The following CNTN6 variants were observed in gnomAD, a reference collection of about 807,000 sequenced individuals.
The protein encoded by CNTN6 is contactin-6.
CNTN6 carries 137 observed loss-of-function variants against 122.8 expected under a neutral mutation model. The observed-to-expected ratio is 1.12, with a 90% CI of 0.97 to 1.29. CNTN6 has a LOEUF of 1.29. CNTN6 is among the 50% of genes most tolerant of loss of function. The probability of loss-of-function intolerance (pLI) is 0.00; values close to 1 mark genes in which losing one functional copy is unlikely to be tolerated. For synonymous variants in CNTN6, 570 were observed against 426.0 expected (o/e 1.34, Z -4.16); for missense variants, 1,634 against 1,223.4 (o/e 1.34, Z -5.01).
At chr3:1,116,879 AT>A (rs1189383522) in intron 1 of CNTN6, among the ~76,000 whole-genome samples, 1 of 151,796 alleles carries the variant, frequency 6.6e-6, no homozygotes, top group Non-Finnish European at 1.5e-5. Flanking sequence ...TAATTTTTGT[AT>A]TTTTAGTAGA....
At chr3:1,209,832 T>G (rs1486352580) in intron 2 of CNTN6, among the ~76,000 whole-genome samples, 1 of 152,194 alleles carries the variant, frequency 6.6e-6, no homozygotes, top group Non-Finnish European at 1.5e-5. Context: ...TCCTCTATTT[T>G]GAAAAACAAC....
At chr3:1,287,487 GTCCTCATATATT>G in intron 5 of CNTN6, among the ~76,000 whole-genome samples, 1 of 152,248 alleles carries the variant, frequency 6.6e-6, no homozygotes, top group South Asian at 2.1e-4. Context: ...GAGAAGTCTA[GTCCTCATATATT>G]TGTATCCTAT....
At chr3:1,266,729 C>T (rs528803879) in intron 4 of CNTN6, among the ~76,000 whole-genome samples, 1 of 152,146 alleles carries the variant, frequency 6.6e-6, no homozygotes, top group Non-Finnish European at 1.5e-5. Context: ...GGCCTCACTC[C>T]ATTGAAATCA....
intron 2 of CNTN6, among the ~76,000 whole-genome samples, chr3:1,164,489 T>G (rs73818458): frequency 0.15 from 22,782 of 151,380 alleles, 2,235 homozygotes; most frequent in East Asian, 0.42. Flanking sequence ...TGATTGAACC[T>G]TAACTAGTAT....
intron 4 of CNTN6, among the ~76,000 whole-genome samples, chr3:1,276,235 G>C (rs77820559): frequency 0.031 from 4,745 of 152,128 alleles, 112 homozygotes; most frequent in South Asian, 0.065. Context: ...AATCTAACAG[G>C]ATGCTTATAT....
chr3:1,280,910 T>C (rs1025699483), intron 5 of CNTN6, among the ~76,000 whole-genome samples: 3 of 152,190 alleles, frequency 2.0e-5, no homozygotes, highest in Non-Finnish European at 2.9e-5. Flanking sequence ...GCTGCTGAAT[T>C]TCTTGCCATG....
chr3:1,219,692 T>C (rs1157690995), intron 2 of CNTN6, among the ~76,000 whole-genome samples: 1 of 152,150 alleles, frequency 6.6e-6, no homozygotes, highest in Non-Finnish European at 1.5e-5. Context: ...GACTGTGGAA[T>C]TGTTGCAGAT....
At chr3:1,396,122 A>T (rs1356110184) in intron 20 of CNTN6, among the ~76,000 whole-genome samples, 1 of 152,194 alleles carries the variant, frequency 6.6e-6, no homozygotes, top group East Asian at 1.9e-4. Context: ...CAGAGAATGT[A>T]GACTAAGAAA....
Position 1,373,703 on chromosome 3 carries a change from A to C in CNTN6, c.1886A>C (p.Gln629Pro). ...GGCCCAGATAATAACAGTCCCATTC[A>C]AATATTTACTATTCAGACTCGGACA... ...RAGPDNNSPIQIFTIQTRTPF... is the reference protein window; with the variant it reads ...RAGPDNNSPIPIFTIQTRTPF... The change falls in exon 15 of 23, where the codon CAA becomes CCA. Residue 629 changes from glutamine (Q) to proline (P), a missense_variant. Physicochemically the swap from Gln to Pro is moderately conservative, Grantham distance 76 (BLOSUM62 -1). Transcript: ENST00000446702. 6.2e-7 allele frequency: 1 copy of C among 1,613,060 alleles called. No homozygotes were observed. The highest frequency in any genetic ancestry group is 8.5e-7 in the Non-Finnish European group (1 of 1,179,310).
At chr3:1,135,709 A>C (rs568014668) in intron 1 of CNTN6, among the ~76,000 whole-genome samples, 1 of 152,276 alleles carries the variant, frequency 6.6e-6, no homozygotes, top group Non-Finnish European at 1.5e-5. Context: ...AGAAGTTATG[A>C]GGCCAGGTGC....
At chr3:1,263,592 C>G (rs1005647820) in intron 4 of CNTN6, among the ~76,000 whole-genome samples, 2 of 152,106 alleles carry the variant, frequency 1.3e-5, no homozygotes, top group Admixed American at 6.6e-5. Context: ...GTCTTTTGCT[C>G]TCTTCAATTC....
chr3:1,275,997 C>T (rs1692280942), intron 4 of CNTN6, among the ~76,000 whole-genome samples: 1 of 152,132 alleles, frequency 6.6e-6, no homozygotes, highest in East Asian at 1.9e-4. Context: ...AAATGAAATT[C>T]TTGAATTCCT....
chr3:1,196,722 A>ACCCATAG (rs1209728202), intron 2 of CNTN6, among the ~76,000 whole-genome samples: 1 of 152,212 alleles, frequency 6.6e-6, no homozygotes, highest in Non-Finnish European at 1.5e-5. Flanking sequence ...TTTATAGGAA[A>ACCCATAG]TTTAGTAATT....
chr3:1,366,722 A>G (rs749290728), intron 12 of CNTN6, among the ~76,000 whole-genome samples: 2 of 152,122 alleles, frequency 1.3e-5, no homozygotes, highest in Non-Finnish European at 2.9e-5. Context: ...GAGAGCAATC[A>G]ATGGCCTCAT....
At chr3:1,290,931 G>A (rs11128613) in intron 5 of CNTN6, among the ~76,000 whole-genome samples, 131,928 of 152,132 alleles carry the variant, frequency 0.87, 57,329 homozygotes, top group East Asian at 0.96. Context: ...TGTATCTTGT[G>A]CTGACCTCCT....
intron 5 of CNTN6, among the ~76,000 whole-genome samples, chr3:1,294,442 A>C (rs565067892): frequency 9.3e-4 from 142 of 152,308 alleles, no homozygotes; most frequent in Non-Finnish European, 1.5e-3. Context: ...CAGTAGAAAA[A>C]AACAGGGGAG....
intron 2 of CNTN6, among the ~76,000 whole-genome samples, chr3:1,176,649 G>A (rs2093455027): frequency 6.6e-6 from 1 of 152,078 alleles, no homozygotes; most frequent in Non-Finnish European, 1.5e-5. Flanking sequence ...ATATCTACAG[G>A]TATCATAACA....
At chr3:1,107,252 TCA>T (rs1333360159) in intron 1 of CNTN6, among the ~76,000 whole-genome samples, 2 of 152,268 alleles carry the variant, frequency 1.3e-5, no homozygotes, top group East Asian at 3.9e-4. Context: ...TAGGTATTTT[TCA>T]CACAAAAGCC....
intron 12 of CNTN6, among the ~76,000 whole-genome samples, chr3:1,367,104 G>A (rs1482667849): frequency 6.6e-6 from 1 of 152,102 alleles, no homozygotes; most frequent in African/African-American, 2.4e-5. Context: ...TTTACATTGT[G>A]TAATGATTAA....
Sources: gnomAD v4.1 joint callset for allele counts (sites outside exome capture counted in the v4.1 genomes callset) on GRCh38, gnomAD v4.1.1 for gene constraint, MANE v1.5 for transcripts, NCBI Gene and HGNC (gene_info 2026-07-23, HGNC 2026-07-21) for gene names.